VPS53: variants seen among roughly 807,000 people sequenced by gnomAD.
VPS53 encodes VPS53 subunit of GARP complex, also known as vacuolar protein sorting-associated protein 53 homolog.
Under a neutral mutation model 107.0 loss-of-function variants are expected in VPS53, and 70 were observed. The observed-to-expected ratio is 0.65, with a 90% CI of 0.54 to 0.80. The LOEUF is 0.80. VPS53 is among the 30% of genes least tolerant of loss of function. The pLI is 0.00. For synonymous variants in VPS53, 409 were observed against 393.3 expected (o/e 1.04, Z -0.47); for missense variants, 917 against 1,049.4 (o/e 0.87, Z 1.74).
intron 13 of VPS53, among the ~76,000 whole-genome samples, chr17:572,133 G>C (rs1197769992): frequency 2.0e-5 from 3 of 151,600 alleles, no homozygotes; most frequent in African/African-American, 7.3e-5. Flanking sequence ...CATCTAGGAA[G>C]TGAGGAGCGT....
At chr17:670,413 C>T (rs1323518766) in intron 4 of VPS53, among the ~76,000 whole-genome samples, 1 of 152,198 alleles carries the variant, frequency 6.6e-6, no homozygotes, top group African/African-American at 2.4e-5. Flanking sequence ...TAATGGTAAC[C>T]ACTACTCTGA....
At chr17:522,063 G>A (rs1307449679) in intron 19 of VPS53, among the ~76,000 whole-genome samples, 1 of 152,060 alleles carries the variant, frequency 6.6e-6, no homozygotes, top group Non-Finnish European at 1.5e-5. Context: ...AGACCAGCCT[G>A]GGCAACATGG....
intron 4 of VPS53, among the ~76,000 whole-genome samples, chr17:680,565 G>T (rs1972353101): frequency 6.6e-6 from 1 of 152,144 alleles, no homozygotes; most frequent in South Asian, 2.1e-4. Flanking sequence ...CATGCTGAGA[G>T]GGCATATGAT....
At chr17:604,674 C>T (rs1174680868) in intron 11 of VPS53, among the ~76,000 whole-genome samples, 1 of 152,136 alleles carries the variant, frequency 6.6e-6, no homozygotes, top group Non-Finnish European at 1.5e-5. Flanking sequence ...AAACTCCTGA[C>T]CTGAAGCAAT....
chr17:656,767 G>C, intron 5 of VPS53: 1 of 992,080 alleles, frequency 1.0e-6, no homozygotes, highest in Middle Eastern at 2.1e-4. Flanking sequence ...TACGTACAAA[G>C]ATCTAACATG....
At position 601,863 on chromosome 17, in the gene VPS53, G is replaced by C; in HGVS notation, c.1150C>G (p.Pro384Ala). 6.3e-7 allele frequency: 1 copy of C among 1,599,326 alleles called. No homozygotes were observed. The highest frequency in any genetic ancestry group is 8.5e-7 in the Non-Finnish European group (1 of 1,172,080). The change falls in exon 12 of 22, where the codon CCC becomes GCC. Residue 384 changes from proline to alanine, a missense_variant. Coordinates refer to ENST00000437048, the MANE Select transcript of VPS53 (RefSeq NM_001128159.3). ...GGTGTTGGCTCATCTTCCAGGAAGGGATTGGTAGATGGGGGTGGAGACTCA... is the reference window on the plus strand; with the variant it reads ...GGTGTTGGCTCATCTTCCAGGAAGGCATTGGTAGATGGGGGTGGAGACTCA... ...KLESPPPSTN[P>A]FLEDEPTPEM... is the part of the protein sequence containing the mutation.
intron 11 of VPS53, among the ~76,000 whole-genome samples, chr17:606,596 G>A (rs1339598763): frequency 6.6e-6 from 1 of 152,044 alleles, no homozygotes; most frequent in African/African-American, 2.4e-5. Flanking sequence ...GATTATAATG[G>A]AGCCATACAA....
At chr17:541,140 G>A (rs887553419) in intron 17 of VPS53, among the ~76,000 whole-genome samples, 4 of 152,162 alleles carry the variant, frequency 2.6e-5, no homozygotes, top group East Asian at 3.9e-4. Flanking sequence ...TGAGGCTGCC[G>A]GGGTGTTGGC....
chr17:587,662 G>T (rs1340844200), intron 12 of VPS53, among the ~76,000 whole-genome samples: 4 of 152,138 alleles, frequency 2.6e-5, no homozygotes, highest in African/African-American at 4.8e-5. Context: ...AATAAGCAAA[G>T]ATTTTCCTAT....
At chr17:634,658 T>A (rs1300301544) in intron 7 of VPS53, among the ~76,000 whole-genome samples, 1 of 151,306 alleles carries the variant, frequency 6.6e-6, no homozygotes, top group African/African-American at 2.4e-5. Flanking sequence ...TGGTTTTTTG[T>A]CCTTGCAATA....
At chr17:527,588 C>T (rs1171650253) in intron 19 of VPS53, among the ~76,000 whole-genome samples, 1 of 152,150 alleles carries the variant, frequency 6.6e-6, no homozygotes, top group Non-Finnish European at 1.5e-5. Context: ...CACATCCTTA[C>T]CAACACTTGG....
rs1429381676 is a variant in VPS53 at position 571,561 on chromosome 17, CCTCTCTTT to C, written c.1314-8824_1314-8817del. 4.0e-3 allele frequency among the ~76,000 whole-genome samples: 584 copies of C among 146,442 alleles called. 1 individual carries two copies. Among genetic ancestry groups the C allele is most frequent in the Middle Eastern group, 0.014 (4 of 290 alleles). Reference sequence around the variant, plus strand: ...TCCCTCTCCCCACGGTCTCCCTCTCCCTCTCTTTCCACGGTCTCCCTCTGATGCCGAGC... The same window carrying C: ...TCCCTCTCCCCACGGTCTCCCTCTCCCCACGGTCTCCCTCTGATGCCGAGC... On this transcript the variant is annotated intron_variant, in intron 13 of 21. Coordinates refer to ENST00000437048, the MANE Select transcript of VPS53 (RefSeq NM_001128159.3).
chr17:593,625 G>C (rs1047044908), intron 12 of VPS53, among the ~76,000 whole-genome samples: 4 of 152,214 alleles, frequency 2.6e-5, no homozygotes, highest in Non-Finnish European at 2.9e-5. Flanking sequence ...TTTCACACCA[G>C]TTAGAATGGC....
rs57746945 is a variant in VPS53, at chr17:509,923, T to A, written c.*9205A>T. 8.5e-5 allele frequency: 9 copies of A among 106,292 alleles called. 2 individuals are homozygous for A. Among genetic ancestry groups the A allele is most frequent in the East Asian group, 3.8e-4 (1 of 2,628 alleles). 6.6% of individuals were successfully genotyped at this position (106,292 alleles called of 1,614,324 possible). On this transcript the variant is annotated 3_prime_UTR_variant, in exon 22 of 22. Coordinates refer to ENST00000437048, the MANE Select transcript of VPS53 (RefSeq NM_001128159.3). The stretch of plus-strand genomic sequence containing the variant: ...CCTGGCTCGCCCCTCACCAGTCACA[T>A]ATCAAATCCTGGCTCGCCCCTCACC...
Position 510,798 on chromosome 17 carries a change from C to G in VPS53, c.*8330G>C, listed in dbSNP as rs1597228306. 1 of 152,882 alleles carries G rather than the reference C, an allele frequency of 6.5e-6. No individual in the cohort carries two copies. Among genetic ancestry groups the G allele is most frequent in the African/African-American group, 2.4e-5 (1 of 41,452 alleles). 9.5% of individuals were successfully genotyped at this position (152,882 alleles called of 1,614,324 possible). A position where few individuals can be genotyped will look rare whatever the true frequency, so the allele number is the denominator to read the frequency against. Reference sequence around the variant, plus strand: ...CTGTGCAGCCAGGGCCCAGGGCTACCCCAACTGACCTCCACTCCCCTCAGC... The same window carrying G: ...CTGTGCAGCCAGGGCCCAGGGCTACGCCAACTGACCTCCACTCCCCTCAGC... On this transcript the variant is annotated 3_prime_UTR_variant, in exon 22 of 22. Transcript: ENST00000437048.
intron 8 of VPS53, among the ~76,000 whole-genome samples, chr17:630,887 G>A (rs1001839696): frequency 4.6e-5 from 7 of 152,124 alleles, no homozygotes; most frequent in Admixed American, 4.6e-4. Flanking sequence ...TCTCGTATGG[G>A]TTCTTTCCTG....
chr17:631,104 T>C (rs958944039), intron 8 of VPS53, among the ~76,000 whole-genome samples: 23 of 152,068 alleles, frequency 1.5e-4, no homozygotes, highest in African/African-American at 5.6e-4. Context: ...AGCAGGCTTA[T>C]GGTCAGTAAC....
intron 7 of VPS53, chr17:632,813 A>G (rs944253346): frequency 1.1e-5 from 5 of 456,032 alleles, no homozygotes; most frequent in Non-Finnish European, 2.2e-5. Flanking sequence ...GTCCAGTTCA[A>G]TCCATGCAGC....
Position 601,849 on chromosome 17 carries a change from A to G in VPS53, c.1164T>C (p.Asp388=), listed in dbSNP as rs1261339990. 6.2e-7 allele frequency: 1 copy of G among 1,603,178 alleles called. No homozygotes were observed. The highest frequency in any genetic ancestry group is 2.3e-5 in the East Asian group (1 of 43,980). The change falls in exon 12 of 22, where the codon GAT becomes GAC. Residue 388 remains aspartate (D), a synonymous_variant. Coordinates refer to ENST00000437048, the MANE Select transcript of VPS53 (RefSeq NM_001128159.3). ...GTTCCTCCATCTCTGGTGTTGGCTC[A>G]TCTTCCAGGAAGGGATTGGTAGATG... ...PPPSTNPFLE[D]EPTPEMEELA...
Sources: gnomAD v4.1 joint callset for allele counts (sites outside exome capture counted in the v4.1 genomes callset) on GRCh38, gnomAD v4.1.1 for gene constraint, MANE v1.5 for transcripts, NCBI Gene and HGNC (gene_info 2026-07-23, HGNC 2026-07-21) for gene names.